Variants in NOS2 observed in about 807,000 individuals in gnomAD.
NOS2 encodes the protein nitric oxide synthase 2.
In NOS2, 96 loss-of-function variants were observed where a neutral mutation model predicts 136.0. That is an observed-to-expected ratio of 0.71 (90% CI 0.60 to 0.84). NOS2 has a LOEUF of 0.84. NOS2 is among the 40% of genes least tolerant of loss of function. The pLI is 0.00. For missense variants in NOS2, 1,237 were observed against 1,496.9 expected, an observed-to-expected ratio of 0.83 and a Z score of 2.87; for synonymous variants, 539 against 587.5, an observed-to-expected ratio of 0.92 and a Z score of 1.20.
Position 27,762,863 on chromosome 17 carries a change from G to A in NOS2, c.2735C>T (p.Ser912Phe). ...ILKPRFYSISSSRDHTPTEIH... is the reference protein window; with the variant it reads ...ILKPRFYSISFSRDHTPTEIH... ...CTCTGTGGGCGTGTGATCCCGGGAG[G>A]AGCTGATGGAGTAGAACCTGGGCTT... The change falls in exon 22 of 27, where the codon TCC (serine) becomes TTC (phenylalanine). Residue 912 changes from serine to phenylalanine, a missense_variant. By Grantham distance (155) the Ser-to-Phe change is radical. Around this residue, in one of 3 missense-constraint regions of NOS2, gnomAD observed 782 missense variants for 909.9 expected, o/e 0.86. Transcript: ENST00000313735. 8.2e-6 allele frequency: 13 copies of A among 1,578,046 alleles called. No individual in the cohort carries two copies. Among genetic ancestry groups the A allele is most frequent in the Non-Finnish European group, 1.1e-5 (13 of 1,162,264 alleles).
At chr17:27,766,858 C>A (rs1908319341) in intron 18 of NOS2, among the ~76,000 whole-genome samples, 1 of 152,006 alleles carries the variant, frequency 6.6e-6, no homozygotes, top group Admixed American at 6.6e-5. Context: ...ACCAGACTGG[C>A]CAACATACTG....
rs572445563 is a variant in NOS2 at position 27,766,648 on chromosome 17, G to A, written c.2168-60C>T. 11 of 1,343,346 alleles carry A rather than the reference G, an allele frequency of 8.2e-6. No homozygotes were observed. The East Asian group carries it at 2.1e-4, about 25-fold the overall frequency. The allele number at this position is 1,343,346 out of a possible 1,614,324, so 83.2% of individuals were successfully genotyped here. On this transcript the variant is annotated intron_variant, in intron 18 of 26. Coordinates refer to ENST00000313735, the MANE Select transcript of NOS2 (RefSeq NM_000625.4). ...TGGTTCTTGAGCGTAGGTAGGGGAA[G>A]CCCCCAGATGTCTGAGTCAGTGACA... is the stretch of plus-strand genomic sequence containing the variant.
Position 27,766,594 on chromosome 17 carries a change from G to A in NOS2, c.2168-6C>T, listed in dbSNP as rs1273559109. 1 of 1,613,006 alleles carries A rather than the reference G, an allele frequency of 6.2e-7. No homozygotes were observed. The highest frequency in any genetic ancestry group is 8.5e-7 in the Non-Finnish European group (1 of 1,179,112). ...GGCATGCATGCTGCTGAGGGCTGTG[G>A]AGGACACAGAGACGGTGAAATGGCA... On this transcript the variant is annotated splice_polypyrimidine_tract_variant and splice_region_variant and intron_variant, in intron 18 of 26. Coordinates refer to ENST00000313735, the MANE Select transcript of NOS2 (RefSeq NM_000625.4).
chr17:27,789,460 C>G (rs1208409572), intron 3 of NOS2, 144 bp downstream of exon 3: 7 of 673,392 alleles, frequency 1.0e-5, no homozygotes, highest in Non-Finnish European at 1.6e-5. Flanking sequence ...CCTGTTCCCC[C>G]CAACACCCCG....
At chr17:27,760,766 G>T in intron 23 of NOS2, 22 bp from the exon 24 acceptor site, 5 of 1,546,806 alleles carry the variant, frequency 3.2e-6, no homozygotes, top group Non-Finnish European at 3.5e-6. Context: ...AGGAGAAGAG[G>T]GGGCCAGTCC....
chr17:27,761,005 C>G lies in NOS2; in HGVS notation c.2888+139G>C, dbSNP rs1268519079. ...TCATCGCTGTCCCTGCTACAGGCAG[C>G]CACACCAGTGTGACCCCAGTGCCTT... On this transcript the variant is annotated intron_variant, in intron 23 of 26. Coordinates refer to ENST00000313735, the MANE Select transcript of NOS2 (RefSeq NM_000625.4). 4.6e-6 allele frequency: 4 copies of G among 878,026 alleles called. No individual in the cohort carries two copies. In the African/African-American group the frequency reaches 6.8e-5, roughly 15 times the overall value. 54.4% of individuals were successfully genotyped at this position (878,026 alleles called of 1,614,324 possible). A position where few individuals can be genotyped will look rare whatever the true frequency, so the allele number is the denominator to read the frequency against.
chr17:27,778,772 C>T lies in NOS2; in HGVS notation c.1199G>A (p.Gly400Asp), dbSNP rs1298350828. Residue 400 changes from glycine (G) to aspartate (D), a missense_variant, in exon 11 of 27, where the codon GGC becomes GAC. Gly to Asp is a moderately conservative substitution (Grantham distance 94). This residue lies in a region of NOS2 where 440 missense variants were observed against 545.4 expected (regional missense o/e 0.81). Transcript: ENST00000313735. ...NILEEVGRRM[G>D]LETHKLASLW... The stretch of plus-strand genomic sequence containing the variant: ...CGAGGCCAGCTTGTGCGTTTCCAGG[C>T]CCATTCTCCTGCCCACTTCCTACAG... 5 of 1,614,192 alleles carry T rather than the reference C, an allele frequency of 3.1e-6. No individual in the cohort carries two copies. The highest frequency in any genetic ancestry group is 4.2e-6 in the Non-Finnish European group (5 of 1,180,026).
intron 2 of NOS2, chr17:27,793,835 G>T (rs1054399419): frequency 2.7e-6 from 1 of 371,242 alleles, no homozygotes; most frequent in Non-Finnish European, 4.8e-6. Flanking sequence ...GCGATGTCCC[G>T]GGCCGAGCTG....
At chr17:27,771,991 G>A (rs1908510187) in intron 14 of NOS2, among the ~76,000 whole-genome samples, 1 of 152,192 alleles carries the variant, frequency 6.6e-6, no homozygotes, top group African/African-American at 2.4e-5. Flanking sequence ...CCTTTCACAT[G>A]CAGCACTGCA....
At chr17:27,770,770 G>A (rs1202809221) in intron 15 of NOS2, 143 bp downstream of exon 15, 9 of 572,596 alleles carry the variant, frequency 1.6e-5, no homozygotes, top group Admixed American at 3.1e-5. Flanking sequence ...AATGGAGGCC[G>A]GCAAATGACC....
intron 2 of NOS2, among the ~76,000 whole-genome samples, chr17:27,793,208 A>G (rs1909248204): frequency 6.8e-6 from 1 of 146,496 alleles, no homozygotes; most frequent in African/African-American, 2.5e-5. Flanking sequence ...GGTGGGGGGG[A>G]TGGCGCCCTG....
In NOS2 at chr17:27,769,035, C is replaced by T; in HGVS notation, c.1976G>A (p.Gly659Glu). ...GTCCTCCTGCCCACTGAGCTCATCCCCTTCTCCCATCGGGGTGAGCTGAGA... is the reference window on the plus strand; with the variant it reads ...GTCCTCCTGCCCACTGAGCTCATCCTCTTCTCCCATCGGGGTGAGCTGAGA... ...GASQLTPMGE[G>E]DELSGQEDAF... The change falls in exon 17 of 27, where the codon GGG (glycine) becomes GAG (glutamate). Residue 659 changes from glycine to glutamate, a missense_variant. By Grantham distance (98) the Gly-to-Glu change is moderately conservative. This residue lies in a region of NOS2 where 782 missense variants were observed against 909.9 expected (regional missense o/e 0.86). Coordinates refer to ENST00000313735, the MANE Select transcript of NOS2 (RefSeq NM_000625.4). The T allele has an allele frequency of 1.9e-6, 3 of 1,612,780 alleles. No individual in the cohort carries two copies. The highest frequency in any genetic ancestry group is 2.5e-6 in the Non-Finnish European group (3 of 1,179,642).
chr17:27,797,086 T>C (rs1909377100), intron 2 of NOS2, among the ~76,000 whole-genome samples: 1 of 152,196 alleles, frequency 6.6e-6, no homozygotes, highest in Non-Finnish European at 1.5e-5. Context: ...AGCCCACTCC[T>C]GGCCAAGCAC....
At chr17:27,781,318 C>T in intron 7 of NOS2, 141 bp from the exon 8 acceptor site, 1 of 921,248 alleles carries the variant, frequency 1.1e-6, no homozygotes, top group Non-Finnish European at 1.6e-6. Context: ...TCCTGACATG[C>T]CTTCTCCTGC....
chr17:27,793,554 TC>T, intron 2 of NOS2: 1 of 397,064 alleles, frequency 2.5e-6, no homozygotes, highest in Non-Finnish European at 4.4e-6. Flanking sequence ...GCCCACCGCT[TC>T]CCTCCCAGGG....
chr17:27,774,124 G>T, intron 12 of NOS2, 133 bp downstream of exon 12: 1 of 565,058 alleles, frequency 1.8e-6, no homozygotes, highest in Non-Finnish European at 2.8e-6. Flanking sequence ...CTTGAGTGGG[G>T]CCTGGAAAGC....
chr17:27,783,652 A>C (rs999625554), intron 5 of NOS2, among the ~76,000 whole-genome samples: 7 of 152,206 alleles, frequency 4.6e-5, no homozygotes, highest in African/African-American at 1.7e-4. Flanking sequence ...ACCCACAGGC[A>C]GGGTCTCACT....
intron 11 of NOS2, among the ~76,000 whole-genome samples, chr17:27,776,498 C>A (rs2151329894): frequency 6.6e-6 from 1 of 151,950 alleles, no homozygotes; most frequent in East Asian, 1.9e-4. Flanking sequence ...CATGGTGAAA[C>A]CCTATCTCTA....
chr17:27,794,658 G>A (rs1258018004), intron 2 of NOS2, among the ~76,000 whole-genome samples: 3 of 151,652 alleles, frequency 2.0e-5, no homozygotes, highest in African/African-American at 7.3e-5. Context: ...TCTTCACCTA[G>A]ATGCTCCCAC....
Sources: allele counts gnomAD v4.1 joint callset (sites outside exome capture counted in the v4.1 genomes callset), GRCh38; gene constraint gnomAD v4.1.1; regional missense constraint gnomAD v4.1.1; transcripts MANE v1.5; gene names NCBI Gene and HGNC (gene_info 2026-07-23, HGNC 2026-07-21).